SCGB1D4: variants seen among roughly 807,000 people sequenced by gnomAD.
The protein encoded by SCGB1D4 is IFN-gamma inducible SCGB (IIS).
A neutral mutation model predicts 8.1 loss-of-function variants in SCGB1D4; 6 were observed. The ratio of observed to expected loss-of-function variants is 0.74; its 90% CI spans 0.40 to 1.45. SCGB1D4 has a LOEUF of 1.45. SCGB1D4 is among the 40% of genes most tolerant of loss of function. SCGB1D4 has a pLI of 0.02. For synonymous variants in SCGB1D4, 34 were observed against 38.1 expected (o/e 0.89, Z 0.39); for missense variants, 93 against 95.0 (o/e 0.98, Z 0.09).
intron 1 of SCGB1D4, among the ~76,000 whole-genome samples, chr11:62,298,349 C>T (rs567573178): frequency 1.5e-3 from 232 of 152,280 alleles, no homozygotes; most frequent in Non-Finnish European, 2.9e-3. Flanking sequence ...CCAGACCTCA[C>T]ATTACATCAT....
chr11:62,297,749 G>A, intron 1 of SCGB1D4, 91 bp from the exon 2 acceptor site: 1 of 1,044,644 alleles, frequency 9.6e-7, no homozygotes, highest in Non-Finnish European at 1.4e-6. Context: ...GGATCCCCTG[G>A]GTTCTATGTT....
chr11:62,298,854 G>T, intron 1 of SCGB1D4, 102 bp downstream of exon 1: 1 of 1,040,312 alleles, frequency 9.6e-7, no homozygotes, highest in Non-Finnish European at 1.4e-6. Flanking sequence ...AATTTTGTTT[G>T]GTTTTGTGCA....
intron 1 of SCGB1D4, 29 bp downstream of exon 1, chr11:62,298,927 G>T: frequency 6.2e-7 from 1 of 1,609,934 alleles, no homozygotes; most frequent in South Asian, 1.1e-5. Context: ...CCCAGGGGCT[G>T]GTGCTGGACT....
At chr11:62,298,186 C>T (rs1451665438) in intron 1 of SCGB1D4, among the ~76,000 whole-genome samples, 1 of 151,806 alleles carries the variant, frequency 6.6e-6, no homozygotes, top group Non-Finnish European at 1.5e-5. Context: ...CCATGCCTGG[C>T]CCACAGCTTG....
rs1424412842 is a variant in SCGB1D4, at chr11:62,298,915, A to T, written c.55+41T>A. 3 of 1,602,886 alleles carry T rather than the reference A, an allele frequency of 1.9e-6. No individual in the cohort carries two copies. In the South Asian group the frequency reaches 3.3e-5, roughly 18 times the overall value. On this transcript the variant is annotated intron_variant, in intron 1 of 2. Coordinates refer to ENST00000358585, the MANE Select transcript of SCGB1D4 (RefSeq NM_206998.2). The stretch of plus-strand genomic sequence containing the variant: ...TGATCTTGTGCTCAGAAGAGGGTGC[A>T]TCCCAGGGGCTGGTGCTGGACTCAT...
In SCGB1D4 at chr11:62,299,046, TG is replaced by T. The variant is rs764956282; in HGVS notation, c.-37del. On this transcript the variant is annotated 5_prime_UTR_variant, in exon 1 of 3. Transcript: ENST00000358585. The stretch of plus-strand genomic sequence containing the variant: ...TCGGCTGTGAGCTCAGCTTTCACAA[TG>T]AGTGATTTGGATTCGACTCCAGGAG... The T allele has an allele frequency of 3.1e-4, 493 of 1,607,798 alleles. No homozygotes were observed. The highest frequency in any genetic ancestry group is 4.0e-4 in the Non-Finnish European group (469 of 1,175,906).
Position 62,298,956 on chromosome 11 carries a change from C to T in SCGB1D4, c.55G>A (p.Ala19Thr), listed in dbSNP as rs376699019. 1.1e-5 allele frequency: 17 copies of T among 1,613,672 alleles called. No individual in the cohort carries two copies. Among genetic ancestry groups the T allele is most frequent in the African/African-American group, 2.7e-5 (2 of 74,836 alleles). ...MVSLALCCYQ[A>T]HALVCPAVAS... is the part of the protein sequence containing the mutation. Reference sequence around the variant, plus strand: ...CTGGACTCATGACTGATGTACTCACCCTGGTAGCAGCAAAGGGCCAGCGAG... The same window carrying T: ...CTGGACTCATGACTGATGTACTCACTCTGGTAGCAGCAAAGGGCCAGCGAG... The change falls in exon 1 of 3, where the codon GCC (alanine) becomes ACC (threonine). Residue 19 changes from alanine (A) to threonine (T), a missense_variant and splice_region_variant. Coordinates refer to ENST00000358585, the MANE Select transcript of SCGB1D4 (RefSeq NM_206998.2).
rs751207039 is a variant in SCGB1D4 at position 62,297,611 on chromosome 11, A to G, written c.103T>C (p.Leu35=). 12 of 1,614,016 alleles carry G rather than the reference A, an allele frequency of 7.4e-6. No homozygotes were observed. The highest frequency in any genetic ancestry group is 1.0e-5 in the Non-Finnish European group (12 of 1,180,026). The part of the protein sequence containing the change: ...PAVASEITVF[L]FLSDAAVNLQ... ...TTTACCGCAGCGTCACTTAAGAATA[A>G]GAAGACTGTGATCTCAGAAGCAACA... Residue 35 remains leucine, a synonymous_variant, in exon 2 of 3, where the codon TTA becomes CTA. Transcript: ENST00000358585.
intron 1 of SCGB1D4, 53 bp downstream of exon 1, chr11:62,298,903 A>G: frequency 6.3e-7 from 1 of 1,576,166 alleles, no homozygotes; most frequent in Middle Eastern, 1.7e-4. Flanking sequence ...TCTTGTGCTC[A>G]GAAGAGGGTG....
chr11:62,297,536 A>C lies in SCGB1D4; in HGVS notation c.178T>G (p.Leu60Val). 2 of 1,614,070 alleles carry C rather than the reference A, an allele frequency of 1.2e-6. No individual in the cohort carries two copies. Among genetic ancestry groups the C allele is most frequent in the Non-Finnish European group, 1.7e-6 (2 of 1,179,938 alleles). The stretch of plus-strand genomic sequence containing the variant: ...TGATCGGTGCAGTGCTTCACTTCCA[A>C]CTTGGCTGCAAGAGCTTCTGGAGGT... ...NPPPEALAAK[L>V]EVKHCTDQIS... is the part of the protein sequence containing the mutation. Residue 60 changes from leucine (L) to valine (V), a missense_variant, in exon 2 of 3, where the codon TTG (leucine) becomes GTG (valine). Leu to Val is a conservative substitution (Grantham distance 32). Transcript: ENST00000358585.
chr11:62,297,524 G>T lies in SCGB1D4; in HGVS notation c.190C>A (p.His64Asn), dbSNP rs769034172. 8 of 1,613,598 alleles carry T rather than the reference G, an allele frequency of 5.0e-6. No individual in the cohort carries two copies. In the African/African-American group the frequency reaches 5.3e-5, roughly 11 times the overall value. ...TTAAAAGATATCTGATCGGTGCAGT[G>T]CTTCACTTCCAACTTGGCTGCAAGA... is the stretch of plus-strand genomic sequence containing the variant. The part of the protein sequence containing the change: ...EALAAKLEVK[H>N]CTDQISFKKR... The change falls in exon 2 of 3, where the codon CAC becomes AAC. Residue 64 changes from histidine to asparagine, a missense_variant. Physicochemically the swap from His to Asn is moderately conservative, Grantham distance 68. Transcript: ENST00000358585.
chr11:62,298,911 G>A (rs766939470), intron 1 of SCGB1D4, 45 bp downstream of exon 1: 12 of 1,594,250 alleles, frequency 7.5e-6, no homozygotes, highest in Non-Finnish European at 1.0e-5. Context: ...TCAGAAGAGG[G>A]TGCATCCCAG....
chr11:62,296,427 C>CA lies in SCGB1D4; in HGVS notation c.243-9dup, dbSNP rs35328961. 0.36 allele frequency: 570,008 copies of CA among 1,588,538 alleles called. 101,802 individuals are homozygous for CA. The highest frequency in any genetic ancestry group is 0.38 in the South Asian group (34,134 of 89,386). ...TTTTTTCACTATTTCCACCTGAAAT[C>CA]AAAAAAAAGAAAGAAAGAAAGAAAG... On this transcript the variant is annotated splice_polypyrimidine_tract_variant and intron_variant, in intron 2 of 2. Coordinates refer to ENST00000358585, the MANE Select transcript of SCGB1D4 (RefSeq NM_206998.2).
chr11:62,298,669 G>A (rs1412176295), intron 1 of SCGB1D4, among the ~76,000 whole-genome samples: 1 of 146,964 alleles, frequency 6.8e-6, no homozygotes, highest in African/African-American at 2.5e-5. Context: ...TGAGGCAGGA[G>A]AATCACTTGA....
chr11:62,299,052 A>G lies in SCGB1D4; in HGVS notation c.-42T>C. 6.2e-7 allele frequency: 1 copy of G among 1,603,576 alleles called. No individual in the cohort carries two copies. Among genetic ancestry groups the G allele is most frequent in the Non-Finnish European group, 8.5e-7 (1 of 1,172,924 alleles). ...GTGAGCTCAGCTTTCACAATGAGTG[A>G]TTTGGATTCGACTCCAGGAGCCTGT... On this transcript the variant is annotated 5_prime_UTR_variant, in exon 1 of 3. Coordinates refer to ENST00000358585, the MANE Select transcript of SCGB1D4 (RefSeq NM_206998.2).
intron 1 of SCGB1D4, among the ~76,000 whole-genome samples, chr11:62,298,142 C>A (rs1945459955): frequency 6.6e-6 from 1 of 150,388 alleles, no homozygotes; most frequent in South Asian, 2.1e-4. Context: ...CCCACTGTGG[C>A]CTCCCAAAGT....
In SCGB1D4 at chr11:62,296,286, G is replaced by A. The variant is rs892223389; in HGVS notation, c.*124C>T. The A allele has an allele frequency of 1.8e-5, 16 of 871,426 alleles. No individual in the cohort carries two copies. The highest frequency in any genetic ancestry group is 2.7e-5 in the Non-Finnish European group (14 of 510,000). The allele number at this position is 871,426 out of a possible 1,614,324, so 54.0% of individuals were successfully genotyped here. On this transcript the variant is annotated 3_prime_UTR_variant, in exon 3 of 3. Transcript: ENST00000358585. ...TAACAAGACCAGTGGAGATGTGCAG[G>A]GCAAGTGATTTATTAAAGCAACGTG...
At chr11:62,298,057 T>TG (rs1945458901) in intron 1 of SCGB1D4, among the ~76,000 whole-genome samples, 5 of 141,136 alleles carry the variant, frequency 3.5e-5, no homozygotes, top group African/African-American at 1.3e-4. Context: ...TTTTGTTTTG[T>TG]TTTTTTTTTT....
intron 1 of SCGB1D4, among the ~76,000 whole-genome samples, 157 bp from the exon 2 acceptor site, chr11:62,297,815 C>T (rs755980114): frequency 3.3e-5 from 5 of 152,014 alleles, no homozygotes; most frequent in Non-Finnish European, 7.4e-5. Flanking sequence ...TGACTTTCTC[C>T]GGGTCACACA....
Sources: allele counts gnomAD v4.1 joint callset (sites outside exome capture counted in the v4.1 genomes callset), GRCh38; gene constraint gnomAD v4.1.1; transcripts MANE v1.5; gene names NCBI Gene and HGNC (gene_info 2026-07-23, HGNC 2026-07-21).